FLOT1: variants seen among roughly 807,000 people sequenced by gnomAD.
FLOT1 encodes the protein flotillin-1.
FLOT1 carries 40 observed loss-of-function variants against 58.4 expected under a neutral mutation model. The ratio of observed to expected loss-of-function variants is 0.69; its 90% CI spans 0.53 to 0.89. The LOEUF is 0.89. Among genes scored for constraint, FLOT1 ranks in the 40% least tolerant of loss-of-function variants. The pLI, the probability that FLOT1 is intolerant of heterozygous loss-of-function variation, is 0.00. For missense variants in FLOT1, 423 were observed against 540.8 expected (o/e 0.78, Z 2.16); for synonymous variants, 178 against 204.2 (o/e 0.87, Z 1.09).
rs1380384258 is a variant in FLOT1, at chr6:30,737,211, TCCGTCCGTCCGTC to T, written c.723+2934_723+2946del. Among the ~76,000 whole-genome samples, 3 of 76,174 alleles carry T rather than the reference TCCGTCCGTCCGTC, an allele frequency of 3.9e-5. No individual in the cohort carries two copies. The highest frequency in any genetic ancestry group is 4.5e-4 in the South Asian group (1 of 2,210). 50.0% of individuals were successfully genotyped at this position (76,174 alleles called of 152,430 possible). A position where few individuals can be genotyped will look rare whatever the true frequency, so the allele number is the denominator to read the frequency against. On this transcript the variant is annotated intron_variant, in intron 8 of 12. Transcript: ENST00000376389. The surrounding 1 kb of genome is among the most constrained non-coding windows in gnomAD (Gnocchi z 4.4). ...TGACTGACTGACTGACTGTCTGTCG[TCCGTCCGTCCGTC>T]CGTCCGTCCGTCCGTCCGTCCGTCC...
intron 12 of FLOT1, among the ~76,000 whole-genome samples, chr6:30,729,390 A>G (rs1173011371): frequency 6.6e-6 from 1 of 152,162 alleles, no homozygotes; most frequent in South Asian, 2.1e-4. Context: ...CATTTCTTTA[A>G]CATACACATA....
Position 30,730,739 on chromosome 6 carries a change from A to C in FLOT1, c.906-12T>G. The C allele has an allele frequency of 6.2e-7, 1 of 1,613,036 alleles. No homozygotes were observed. ...TAATTAGTTGGGACCTGTGGACAGA[A>C]GGGAAGTGGAGGGTGGAGCCCAGCA... On this transcript the variant is annotated splice_polypyrimidine_tract_variant and intron_variant, in intron 9 of 12. Coordinates refer to ENST00000376389, the MANE Select transcript of FLOT1 (RefSeq NM_005803.4).
intron 7 of FLOT1, 25 bp from the exon 8 acceptor site, chr6:30,740,335 A>C: frequency 2.5e-6 from 4 of 1,612,676 alleles, no homozygotes; most frequent in Non-Finnish European, 2.5e-6. Flanking sequence ...ATCAGGTAGG[A>C]AATGTCAGGG....
intron 8 of FLOT1, among the ~76,000 whole-genome samples, chr6:30,734,740 T>G (rs1290346275): frequency 6.6e-6 from 1 of 151,610 alleles, no homozygotes; most frequent in African/African-American, 2.4e-5. Context: ...CTCCCAAATC[T>G]GTGATGGCTT....
In FLOT1 at chr6:30,742,077, G is replaced by C; in HGVS notation, c.43+70C>G. 4 of 1,507,566 alleles carry C rather than the reference G, an allele frequency of 2.7e-6. No individual in the cohort carries two copies. Among genetic ancestry groups the C allele is most frequent in the Non-Finnish European group, 3.7e-6 (4 of 1,087,232 alleles). 93.4% of individuals were successfully genotyped at this position (1,507,566 alleles called of 1,614,324 possible). On this transcript the variant is annotated intron_variant, in intron 2 of 12. Coordinates refer to ENST00000376389, the MANE Select transcript of FLOT1 (RefSeq NM_005803.4). The surrounding 1 kb of genome is among the most constrained non-coding windows in gnomAD (Gnocchi z 5.2). ...GTGCTGGGAAGTTGGTAGGGAGAGG[G>C]AGAAGGGGCAGAGGCCAGACTCACA...
chr6:30,735,118 G>C (rs1373049078), intron 8 of FLOT1, among the ~76,000 whole-genome samples: 1 of 151,734 alleles, frequency 6.6e-6, no homozygotes, highest in African/African-American at 2.4e-5. Context: ...CCCCAGAGCA[G>C]TCTTCTGATC....
chr6:30,740,887 A>G, intron 5 of FLOT1, 89 bp from the exon 6 acceptor site: 1 of 1,500,594 alleles, frequency 6.7e-7, no homozygotes, highest in South Asian at 1.3e-5. Flanking sequence ...CCTGGGTTCA[A>G]GTGATTCTCC....
At position 30,730,526 on chromosome 6, in the gene FLOT1, C is replaced by T. The variant is rs1449120588; in HGVS notation, c.991G>A (p.Ala331Thr). The stretch of plus-strand genomic sequence containing the variant: ...GCCATCTGCTCAGCCTCGGCTCGGG[C>T]TCGGGCCCCTATGGCAAAGGCCTCA... ...EAEAFAIGAR[A>T]RAEAEQMAKK... Residue 331 changes from alanine (A) to threonine (T), a missense_variant, in exon 11 of 13, where the codon GCC becomes ACC. Transcript: ENST00000376389. The T allele has an allele frequency of 1.9e-6, 3 of 1,611,388 alleles. No homozygotes were observed. Among genetic ancestry groups the T allele is most frequent in the Admixed American group, 3.3e-5 (2 of 59,896 alleles).
At chr6:30,733,835 G>C (rs1195357266) in intron 8 of FLOT1, among the ~76,000 whole-genome samples, 1 of 150,790 alleles carries the variant, frequency 6.6e-6, no homozygotes, top group Non-Finnish European at 1.5e-5. Context: ...AGGATAACTT[G>C]AACCCAGGAG....
Position 30,737,198 on chromosome 6 carries a change from T to G in FLOT1, c.723+2960A>C, listed in dbSNP as rs1055083066. On this transcript the variant is annotated intron_variant, in intron 8 of 12. Coordinates refer to ENST00000376389, the MANE Select transcript of FLOT1 (RefSeq NM_005803.4). The surrounding 1 kb of genome is among the most constrained non-coding windows in gnomAD (Gnocchi z 4.4). The stretch of plus-strand genomic sequence containing the variant: ...AGCCACGTATGACTGACTGACTGAC[T>G]GACTGTCTGTCGTCCGTCCGTCCGT... Among the ~76,000 whole-genome samples the G allele has an allele frequency of 1.1e-4, 15 of 131,116 alleles. No individual in the cohort carries two copies. Among genetic ancestry groups the G allele is most frequent in the Non-Finnish European group, 1.9e-4 (12 of 63,804 alleles). The allele number at this position is 131,116 out of a possible 152,430, so 86.0% of individuals were successfully genotyped here. A position where few individuals can be genotyped will look rare whatever the true frequency, so the allele number is the denominator to read the frequency against.
At chr6:30,732,840 G>A (rs922857603) in intron 8 of FLOT1, among the ~76,000 whole-genome samples, 6 of 151,966 alleles carry the variant, frequency 3.9e-5, no homozygotes, top group African/African-American at 1.2e-4. Context: ...TTTCAAACCC[G>A]TTCCAAACTG....
chr6:30,734,045 T>A (rs1351576003), intron 8 of FLOT1, among the ~76,000 whole-genome samples: 2 of 59,926 alleles, frequency 3.3e-5, no homozygotes, highest in Non-Finnish European at 6.6e-5. Flanking sequence ...ACCCTGTCTC[T>A]GAAAAAAAAA....
rs1304205606 is a variant in FLOT1 at position 30,737,252 on chromosome 6, C to T, written c.723+2906G>A. Among the ~76,000 whole-genome samples the T allele has an allele frequency of 2.0e-5, 3 of 151,032 alleles. No homozygotes were observed. The highest frequency in any genetic ancestry group is 4.2e-4 in the South Asian group (2 of 4,766). ...TCCGTCCGTCCGTCCGTCCGTCCAT[C>T]CGTCCATCCATCCATCCATATATCT... On this transcript the variant is annotated intron_variant, in intron 8 of 12. Coordinates refer to ENST00000376389, the MANE Select transcript of FLOT1 (RefSeq NM_005803.4). This position sits in a 1 kb window ranked among gnomAD's most constrained non-coding sequence, Gnocchi z 4.4.
Position 30,741,366 on chromosome 6 carries a change from T to TG in FLOT1, c.211-34dup. ...CAGAGTAGGGGTAGGAAAGGTGTGG[T>TG]GGGGGTCTCATGAAGTCAGAGAAAA... On this transcript the variant is annotated intron_variant, in intron 4 of 12. Coordinates refer to ENST00000376389, the MANE Select transcript of FLOT1 (RefSeq NM_005803.4). The surrounding 1 kb of genome is among the most constrained non-coding windows in gnomAD (Gnocchi z 5.9). The TG allele has an allele frequency of 1.2e-6, 2 of 1,612,392 alleles. No homozygotes were observed. The highest frequency in any genetic ancestry group is 1.7e-6 in the Non-Finnish European group (2 of 1,179,644).
In FLOT1 at chr6:30,741,385, G is replaced by A. The variant is rs557769726; in HGVS notation, c.211-52C>T. 6 of 1,605,226 alleles carry A rather than the reference G, an allele frequency of 3.7e-6. No homozygotes were observed. In the African/African-American group the frequency reaches 5.4e-5, roughly 14 times the overall value. On this transcript the variant is annotated intron_variant, in intron 4 of 12. Coordinates refer to ENST00000376389, the MANE Select transcript of FLOT1 (RefSeq NM_005803.4). The surrounding 1 kb of genome is among the most constrained non-coding windows in gnomAD (Gnocchi z 5.9). ...GTGTGGTGGGGGTCTCATGAAGTCA[G>A]AGAAAAAGCAGAGAGAGAAGGGAGA...
In FLOT1 at chr6:30,727,742, T is replaced by TA. The variant is rs1776830410; in HGVS notation, c.*373dup. The TA allele has an allele frequency of 3.1e-5, 11 of 354,272 alleles. No homozygotes were observed. The South Asian group carries it at 4.3e-4, about 14-fold the overall frequency. 21.9% of individuals were successfully genotyped at this position (354,272 alleles called of 1,614,324 possible). A position where few individuals can be genotyped will look rare whatever the true frequency, so the allele number is the denominator to read the frequency against. On this transcript the variant is annotated 3_prime_UTR_variant, in exon 13 of 13. Transcript: ENST00000376389. ...CAGTTGCTTCTGTTTTATTAGTACT[T>TA]ACTTACAGCAATTTATTTGGGTAGC...
At position 30,737,240 on chromosome 6, in the gene FLOT1, CCG is replaced by C. The variant is rs1777652156; in HGVS notation, c.723+2916_723+2917del. Reference sequence around the variant, plus strand: ...TCCGTCCGTCCGTCCGTCCGTCCGTCCGTCCGTCCATCCGTCCATCCATCCAT... The same window carrying C: ...TCCGTCCGTCCGTCCGTCCGTCCGTCTCCGTCCATCCGTCCATCCATCCAT... On this transcript the variant is annotated intron_variant, in intron 8 of 12. Transcript: ENST00000376389. The surrounding 1 kb of genome is among the most constrained non-coding windows in gnomAD (Gnocchi z 4.4). Among the ~76,000 whole-genome samples the C allele has an allele frequency of 6.7e-6, 1 of 149,652 alleles. No homozygotes were observed. Among genetic ancestry groups the C allele is most frequent in the African/African-American group, 2.5e-5 (1 of 40,412 alleles).
chr6:30,740,086 AGT>A, intron 8 of FLOT1, 70 bp downstream of exon 8: 3 of 1,402,546 alleles, frequency 2.1e-6, no homozygotes, highest in Non-Finnish European at 3.0e-6. Context: ...GAAATAGTGT[AGT>A]GGTGTCCTGA....
In FLOT1 at chr6:30,741,517, CAAGGGTTGAG is replaced by C; in HGVS notation, c.210+87_210+96del. 7.8e-7 allele frequency: 1 copy of C among 1,280,974 alleles called. No individual in the cohort carries two copies. The allele number at this position is 1,280,974 out of a possible 1,614,324, so 79.4% of individuals were successfully genotyped here. A position where few individuals can be genotyped will look rare whatever the true frequency, so the allele number is the denominator to read the frequency against. On this transcript the variant is annotated intron_variant, in intron 4 of 12. Transcript: ENST00000376389. This position sits in a 1 kb window ranked among gnomAD's most constrained non-coding sequence, Gnocchi z 5.9. ...ACTAGCAGAGGAACTTCTCTGCAGG[CAAGGGTTGAG>C]AAGACTGTGGCCAGAAGATGTCTTA...
Sources: allele counts gnomAD v4.1 joint callset (sites outside exome capture counted in the v4.1 genomes callset), GRCh38; gene constraint gnomAD v4.1.1; non-coding constraint Gnocchi (gnomAD v3.1); transcripts MANE v1.5; gene names NCBI Gene and HGNC (gene_info 2026-07-23, HGNC 2026-07-21).